MAN2B2: variants seen among roughly 807,000 people sequenced by gnomAD.
MAN2B2 encodes mannosidase alpha class 2B member 2, also known as epididymis-specific alpha-mannosidase.
A neutral mutation model predicts 117.1 loss-of-function variants in MAN2B2; 106 were observed. The ratio of observed to expected loss-of-function variants is 0.90; its 90% CI spans 0.77 to 1.06. The LOEUF is 1.06. MAN2B2 is among the 50% of genes least tolerant of loss of function. The pLI, the probability that MAN2B2 is intolerant of heterozygous loss-of-function variation, is 0.00. For synonymous variants in MAN2B2, 544 were observed against 595.1 expected, an observed-to-expected ratio of 0.91 and a Z score of 1.25; for missense variants, 1,326 against 1,381.4, an observed-to-expected ratio of 0.96 and a Z score of 0.64.
rs189870299 is a variant in MAN2B2 at position 6,600,815 on chromosome 4, C to T, written c.1539+59C>T. 2.8e-5 allele frequency: 45 copies of T among 1,593,526 alleles called. No homozygotes were observed. The East Asian group carries it at 6.1e-4, about 21-fold the overall frequency. ...GCTGCTTGCTGAACCTGCTCTGGGC[C>T]GGGCACATTGTCTCTTCTGACCCTG... On this transcript the variant is annotated intron_variant, in intron 10 of 18. Coordinates refer to ENST00000285599, the MANE Select transcript of MAN2B2 (RefSeq NM_015274.3).
chr4:6,592,793 A>T (rs1726906593), intron 5 of MAN2B2, among the ~76,000 whole-genome samples: 1 of 151,800 alleles, frequency 6.6e-6, no homozygotes, highest in South Asian at 2.1e-4. Flanking sequence ...TTTATTTAAA[A>T]CTCTGACATT....
intron 3 of MAN2B2, among the ~76,000 whole-genome samples, chr4:6,585,340 G>T (rs945717822): frequency 6.6e-6 from 1 of 152,196 alleles, no homozygotes; most frequent in Admixed American, 6.5e-5. Flanking sequence ...AGTTATGAGA[G>T]TTCTCTGAGG....
chr4:6,594,373 A>G (rs1364449949), intron 6 of MAN2B2, among the ~76,000 whole-genome samples, 161 bp from the exon 7 acceptor site: 4 of 152,168 alleles, frequency 2.6e-5, no homozygotes, highest in African/African-American at 9.7e-5. Flanking sequence ...CGGAGGTTGC[A>G]TGAGCCGAGA....
Position 6,607,991 on chromosome 4 carries a change from G to C in MAN2B2, c.1815-1116G>C, listed in dbSNP as rs560772749. ...CATTTCCCTGCTAACTAATGGTGTT[G>C]AGCATCTCTTCATGTACTTACTGGT... On this transcript the variant is annotated intron_variant, in intron 11 of 18. Coordinates refer to ENST00000285599, the MANE Select transcript of MAN2B2 (RefSeq NM_015274.3). Among the ~76,000 whole-genome samples the C allele has an allele frequency of 1.4e-4, 21 of 152,334 alleles. No individual in the cohort carries two copies. In the South Asian group the frequency reaches 4.3e-3, roughly 32 times the overall value.
intron 13 of MAN2B2, 43 bp from the exon 14 acceptor site, chr4:6,610,837 C>A: frequency 6.4e-7 from 1 of 1,571,590 alleles, no homozygotes; most frequent in Non-Finnish European, 8.8e-7. Flanking sequence ...ACCTACCTTG[C>A]CCTTTGCCCC....
chr4:6,583,397 G>T (rs899804545), intron 3 of MAN2B2, among the ~76,000 whole-genome samples: 2 of 152,068 alleles, frequency 1.3e-5, no homozygotes, highest in African/African-American at 2.4e-5. Context: ...CATTTGCCCT[G>T]CTAAAACCAA....
At chr4:6,590,682 C>T (rs774697137) in intron 5 of MAN2B2, among the ~76,000 whole-genome samples, 5 of 152,230 alleles carry the variant, frequency 3.3e-5, no homozygotes, top group Non-Finnish European at 5.9e-5. Flanking sequence ...TTCCAGGCTG[C>T]AGGTGCAGGG....
At chr4:6,616,004 G>C (rs537086712) in intron 16 of MAN2B2, among the ~76,000 whole-genome samples, 1 of 152,196 alleles carries the variant, frequency 6.6e-6, no homozygotes, top group East Asian at 1.9e-4. Context: ...GGGTTTCACT[G>C]TGCTGACCAG....
rs201550573 is a variant in MAN2B2, at chr4:6,598,262, A to G, written c.1313A>G (p.His438Arg). The G allele has an allele frequency of 6.2e-7, 1 of 1,613,718 alleles. No homozygotes were observed. Among genetic ancestry groups the G allele is most frequent in the East Asian group, 2.2e-5 (1 of 44,880 alleles). ...AAGGTGAGAGACATGTACGCAACGC[A>G]CCTGGCCTCGGGGATGCTGGGCATG... ...SPKVRDMYAT[H>R]LASGMLGMRK... Residue 438 changes from histidine (H) to arginine (R), a missense_variant, in exon 9 of 19, where the codon CAC (histidine) becomes CGC (arginine). Transcript: ENST00000285599.
chr4:6,608,044 T>TG (rs1436725896), intron 11 of MAN2B2, among the ~76,000 whole-genome samples: 1 of 152,258 alleles, frequency 6.6e-6, no homozygotes, highest in African/African-American at 2.4e-5. Context: ...TGGTGAGATG[T>TG]GTCTTTAGAT....
chr4:6,588,143 A>C (rs1383765479), intron 4 of MAN2B2, among the ~76,000 whole-genome samples: 2 of 152,134 alleles, frequency 1.3e-5, no homozygotes, highest in Non-Finnish European at 2.9e-5. Context: ...AAAGGACCAC[A>C]GACTGGTGAC....
intron 10 of MAN2B2, 26 bp downstream of exon 10, chr4:6,600,782 G>T (rs746240971): frequency 6.2e-7 from 1 of 1,611,686 alleles, no homozygotes; most frequent in African/African-American, 1.3e-5. Context: ...CCTGCTGGAG[G>T]GGCCTTAGCT....
At chr4:6,580,721 C>T (rs1726393234) in intron 3 of MAN2B2, among the ~76,000 whole-genome samples, 1 of 152,214 alleles carries the variant, frequency 6.6e-6, no homozygotes, top group Non-Finnish European at 1.5e-5. Flanking sequence ...TCTCAGCACC[C>T]AGCATAGGGT....
At chr4:6,614,955 C>T (rs535218800) in intron 16 of MAN2B2, among the ~76,000 whole-genome samples, 1 of 152,370 alleles carries the variant, frequency 6.6e-6, no homozygotes, top group South Asian at 2.1e-4. Flanking sequence ...GAGGCGACAC[C>T]TGCTGGGAAC....
At chr4:6,608,492 C>G (rs536813231) in intron 11 of MAN2B2, among the ~76,000 whole-genome samples, 1 of 152,346 alleles carries the variant, frequency 6.6e-6, no homozygotes, top group South Asian at 2.1e-4. Context: ...TGCTCTTCTC[C>G]CATCCTCTGT....
intron 3 of MAN2B2, 117 bp downstream of exon 3, chr4:6,578,615 C>T: frequency 3.9e-6 from 3 of 777,402 alleles, no homozygotes; most frequent in South Asian, 1.7e-5. Context: ...GGTCGGGGAC[C>T]TTAACCAGTG....
chr4:6,578,532 C>G (rs1426291533), intron 3 of MAN2B2, 34 bp downstream of exon 3: 3 of 1,557,454 alleles, frequency 1.9e-6, no homozygotes, highest in Non-Finnish European at 2.6e-6. Flanking sequence ...CAGGGTCCCT[C>G]AGGACCTCCA....
intron 18 of MAN2B2, 146 bp downstream of exon 18, chr4:6,620,190 C>T (rs1712102252): frequency 1.6e-6 from 1 of 642,360 alleles, no homozygotes; most frequent in African/African-American, 1.8e-5. Context: ...CCGCAGCCCT[C>T]CCAAATCTAC....
At chr4:6,619,078 A>G (rs1480754505) in intron 17 of MAN2B2, 6 of 152,298 alleles carry the variant, frequency 3.9e-5, no homozygotes, top group African/African-American at 1.4e-4. Context: ...GATGGACACC[A>G]TGACTCCCTG....
Sources: gnomAD v4.1 joint callset for allele counts (sites outside exome capture counted in the v4.1 genomes callset) on GRCh38, gnomAD v4.1.1 for gene constraint, MANE v1.5 for transcripts, NCBI Gene and HGNC (gene_info 2026-07-23, HGNC 2026-07-21) for gene names.